Variants in CERT1 observed in about 807,000 individuals in gnomAD.
The protein encoded by CERT1 is ceramide transfer protein.
A neutral mutation model predicts 87.9 loss-of-function variants in CERT1; 31 were observed. The observed-to-expected ratio is 0.35, with a 90% CI of 0.27 to 0.48. The LOEUF (loss-of-function observed/expected upper bound fraction) is 0.48, where lower values mean the gene tolerates loss of function less well. Among genes scored for constraint, CERT1 ranks in the 20% least tolerant of loss-of-function variants. CERT1 has a pLI of 0.99. For missense variants in CERT1, 487 were observed against 758.0 expected, an observed-to-expected ratio of 0.64 and a Z score of 4.20; for synonymous variants, 289 against 250.9, an observed-to-expected ratio of 1.15 and a Z score of -1.44.
chr5:75,490,461 G>T, intron 2 of CERT1, among the ~76,000 whole-genome samples: 1 of 148,020 alleles, frequency 6.8e-6, no homozygotes, highest in South Asian at 2.2e-4. Flanking sequence ...TCTCTTCATT[G>T]TTGTCTACTC....
At chr5:75,425,216 G>C (rs1440002322) in intron 5 of CERT1, 145 bp downstream of exon 5, 2 of 669,942 alleles carry the variant, frequency 3.0e-6, no homozygotes, top group African/African-American at 3.6e-5. Flanking sequence ...CAAGTTACAA[G>C]GACACTGAAA....
At chr5:75,506,957 G>A (rs561609466) in intron 1 of CERT1, among the ~76,000 whole-genome samples, 17 of 152,144 alleles carry the variant, frequency 1.1e-4, no homozygotes, top group East Asian at 1.9e-4. Context: ...TATGCTCTGG[G>A]GTGTTAAGTA....
intron 2 of CERT1, among the ~76,000 whole-genome samples, chr5:75,489,899 T>C (rs1013079073): frequency 6.6e-6 from 1 of 152,204 alleles, no homozygotes; most frequent in African/African-American, 2.4e-5. Flanking sequence ...CACTCTTCTA[T>C]AAAGACACAT....
At chr5:75,508,660 C>G (rs1490891286) in intron 1 of CERT1, among the ~76,000 whole-genome samples, 1 of 152,052 alleles carries the variant, frequency 6.6e-6, no homozygotes, top group Non-Finnish European at 1.5e-5. Context: ...AACAGGCCAG[C>G]AGACACAAAC....
chr5:75,442,644 G>A (rs574777509), intron 3 of CERT1, among the ~76,000 whole-genome samples: 10 of 152,112 alleles, frequency 6.6e-5, no homozygotes, highest in South Asian at 2.1e-4. Flanking sequence ...TCTATAGTCA[G>A]TAGTACAGTA....
chr5:75,439,074 A>T (rs1764207421), intron 3 of CERT1, among the ~76,000 whole-genome samples: 1 of 152,158 alleles, frequency 6.6e-6, no homozygotes, highest in Middle Eastern at 3.4e-3. Context: ...TTTAGACTAA[A>T]TCCAATATAT....
intron 10 of CERT1, 151 bp from the exon 11 acceptor site, chr5:75,399,538 A>G: frequency 1.6e-6 from 1 of 630,296 alleles, no homozygotes; most frequent in Admixed American, 2.7e-5. Context: ...TCATGCACCT[A>G]TTATGTATTA....
At chr5:75,496,971 C>T (rs913291076) in intron 2 of CERT1, among the ~76,000 whole-genome samples, 1 of 151,106 alleles carries the variant, frequency 6.6e-6, no homozygotes, top group African/African-American at 2.4e-5. Context: ...AAAGGCACAA[C>T]ATATCTTTTT....
At chr5:75,373,911 G>T (rs1247324488), downstream of CERT1, 4 of 393,904 alleles carry the variant, frequency 1.0e-5, no homozygotes, top group Non-Finnish European at 1.8e-5. Context: ...ATTCAAAGTT[G>T]ATTTTTTTTT....
intron 3 of CERT1, among the ~76,000 whole-genome samples, chr5:75,438,178 T>A (rs1224954104): frequency 1.3e-5 from 2 of 152,204 alleles, no homozygotes; most frequent in Non-Finnish European, 2.9e-5. Context: ...TCTCAATTAG[T>A]TTTTAATTTC....
chr5:75,386,793 C>T (rs754241990), intron 12 of CERT1, among the ~76,000 whole-genome samples: 2 of 152,168 alleles, frequency 1.3e-5, no homozygotes, highest in Non-Finnish European at 2.9e-5. Flanking sequence ...CACCGTTTTC[C>T]CAGCTACCCA....
intron 5 of CERT1, among the ~76,000 whole-genome samples, chr5:75,423,200 C>G (rs1763459282): frequency 6.6e-6 from 1 of 152,220 alleles, no homozygotes; most frequent in South Asian, 2.1e-4. Flanking sequence ...ACTTTTTCCA[C>G]CATCACTTTT....
chr5:75,412,841 C>T (rs1460478719), intron 7 of CERT1, among the ~76,000 whole-genome samples: 2 of 152,320 alleles, frequency 1.3e-5, no homozygotes, highest in African/African-American at 4.8e-5. Flanking sequence ...AGGCGTAGGA[C>T]ATTACTGCAC....
intron 17 of CERT1, chr5:75,369,816 G>C (rs1459815219): frequency 6.6e-6 from 1 of 152,230 alleles, no homozygotes; most frequent in African/African-American, 2.4e-5. Context: ...AAGAGAGAAT[G>C]AAGAGGCCAA....
Position 75,381,191 on chromosome 5 carries a change from C to T in CERT1, c.1628G>A (p.Arg543Gln), listed in dbSNP as rs751943626. ...VDHDSAPLNN[R>Q]CVRAKINVAM... The stretch of plus-strand genomic sequence containing the variant: ...AACATTTATTTTGGCACGGACACAT[C>T]GGTTGTTTAGCTGCCAAAACAAAAA... Residue 543 changes from arginine (R) to glutamine (Q), a missense_variant, in exon 16 of 17, where the codon CGA (arginine) becomes CAA (glutamine). Physicochemically the swap from Arg to Gln is conservative, Grantham distance 43. Around this residue, in one of 8 missense-constraint regions of CERT1, gnomAD observed 147 missense variants for 200.8 expected, o/e 0.73. Transcript: ENST00000643780. 9 of 1,613,920 alleles carry T rather than the reference C, an allele frequency of 5.6e-6. No individual in the cohort carries two copies. The highest frequency in any genetic ancestry group is 1.7e-5 in the Admixed American group (1 of 59,994).
chr5:75,487,725 A>G lies in CERT1; in HGVS notation c.231+18257T>C, dbSNP rs117097996. On this transcript the variant is annotated intron_variant, in intron 2 of 16. Transcript: ENST00000643780. ...TGGGCAAGCACATATGAGAAAAGGT[A>G]TTCAACAACACTAATGACAGAAATG... Among the ~76,000 whole-genome samples the G allele has an allele frequency of 2.1e-3, 313 of 152,190 alleles. No homozygotes were observed. In the East Asian group the frequency reaches 0.027, roughly 13 times the overall value.
downstream of CERT1, chr5:75,376,121 C>G (rs1489355515): frequency 6.6e-6 from 1 of 152,188 alleles, no homozygotes; most frequent in African/African-American, 2.4e-5. Flanking sequence ...TGCACACACA[C>G]AGAGAGTCAA....
intron 17 of CERT1, chr5:75,368,917 C>CT (rs34199671): frequency 0.029 from 4,255 of 146,216 alleles, 126 homozygotes; most frequent in South Asian, 0.11. Flanking sequence ...AAGTTGAAAA[C>CT]TTTTTTTTTT....
intron 11 of CERT1, among the ~76,000 whole-genome samples, chr5:75,398,626 C>T (rs1211045908): frequency 6.6e-6 from 1 of 152,066 alleles, no homozygotes; most frequent in African/African-American, 2.4e-5. Context: ...AGAACTAACG[C>T]TGACACTAAA....
Sources: allele counts gnomAD v4.1 joint callset (sites outside exome capture counted in the v4.1 genomes callset), GRCh38; gene constraint gnomAD v4.1.1; regional missense constraint gnomAD v4.1.1; transcripts MANE v1.5; gene names NCBI Gene and HGNC (gene_info 2026-07-23, HGNC 2026-07-21).